FRMD4B: variants seen among roughly 807,000 people sequenced by gnomAD.
FRMD4B encodes the protein FERM domain containing 4B.
In FRMD4B, 74 loss-of-function variants were observed where a neutral mutation model predicts 141.5. The observed-to-expected ratio is 0.52, with a 90% CI of 0.43 to 0.63. The LOEUF is 0.63. FRMD4B is among the 30% of genes least tolerant of loss of function. The pLI is 0.00. For synonymous variants in FRMD4B, 506 were observed against 467.9 expected (o/e 1.08, Z -1.05); for missense variants, 1,366 against 1,253.4 (o/e 1.09, Z -1.36).
intron 5 of FRMD4B, among the ~76,000 whole-genome samples, chr3:69,278,592 G>GTAATTTA (rs2093629219): frequency 7.5e-6 from 1 of 133,854 alleles, no homozygotes; most frequent in Non-Finnish European, 1.6e-5. Flanking sequence ...TCACCCCAGT[G>GTAATTTA]GCCCCAAATT....
intron 1 of FRMD4B, among the ~76,000 whole-genome samples, chr3:69,467,104 C>A (rs1160022077): frequency 1.3e-5 from 2 of 152,168 alleles, no homozygotes; most frequent in East Asian, 3.9e-4. Context: ...TCTCTCTCCC[C>A]CAGAGGTCCC....
intron 1 of FRMD4B, among the ~76,000 whole-genome samples, chr3:69,313,905 C>T (rs1013487193): frequency 2.7e-5 from 4 of 148,096 alleles, no homozygotes; most frequent in African/African-American, 7.5e-5. Flanking sequence ...TTTGGGAGGC[C>T]GAGGCGGGCG....
chr3:69,222,738 T>G (rs1425787776), intron 8 of FRMD4B, among the ~76,000 whole-genome samples: 2 of 151,970 alleles, frequency 1.3e-5, no homozygotes, highest in African/African-American at 4.8e-5. Context: ...GCCATTGCAC[T>G]CCAGCCTGGG....
At chr3:69,370,028 C>G (rs1439522955) in intron 1 of FRMD4B, among the ~76,000 whole-genome samples, 2 of 151,962 alleles carry the variant, frequency 1.3e-5, no homozygotes, top group African/African-American at 4.8e-5. Context: ...AAAGCTTGAA[C>G]ACAGCCAAAG....
intron 1 of FRMD4B, among the ~76,000 whole-genome samples, chr3:69,467,153 T>C (rs9882739): frequency 6.6e-6 from 1 of 152,196 alleles, no homozygotes; most frequent in Non-Finnish European, 1.5e-5. Flanking sequence ...GGAAAAAGAA[T>C]GGGCTTTGGA....
At chr3:69,403,989 G>A (rs1704611672) in intron 2 of FRMD4B, among the ~76,000 whole-genome samples, 1 of 152,100 alleles carries the variant, frequency 6.6e-6, no homozygotes, top group South Asian at 2.1e-4. Context: ...TTGAATTCCT[G>A]GGCTCAAGCA....
chr3:69,495,805 C>T (rs1706374041), intron 1 of FRMD4B, among the ~76,000 whole-genome samples: 1 of 152,108 alleles, frequency 6.6e-6, no homozygotes, highest in Non-Finnish European at 1.5e-5. Context: ...AATGGACATA[C>T]AATATATTTT....
intron 1 of FRMD4B, among the ~76,000 whole-genome samples, chr3:69,511,851 C>T (rs1456087210): frequency 1.3e-5 from 2 of 152,200 alleles, no homozygotes; most frequent in Non-Finnish European, 2.9e-5. Flanking sequence ...TGTTTTCCCT[C>T]GTATGTCCCT....
chr3:69,401,489 T>C (rs1398317421), intron 2 of FRMD4B, among the ~76,000 whole-genome samples: 3 of 152,178 alleles, frequency 2.0e-5, no homozygotes, highest in African/African-American at 7.2e-5. Context: ...AGATGTGCAA[T>C]GTTTATTTTG....
chr3:69,362,697 C>G (rs1363509443), intron 1 of FRMD4B, among the ~76,000 whole-genome samples: 1 of 79,248 alleles, frequency 1.3e-5, no homozygotes, highest in African/African-American at 6.9e-5. Flanking sequence ...CAACAAAAAG[C>G]CAACCCCCCC....
intron 16 of FRMD4B, 43 bp from the exon 17 acceptor site, chr3:69,193,916 A>G (rs2107644028): frequency 8.3e-7 from 1 of 1,209,974 alleles, no homozygotes. Flanking sequence ...GGACACATAC[A>G]ATCAACTCTT....
chr3:69,344,455 A>C (rs1201015931), intron 1 of FRMD4B, among the ~76,000 whole-genome samples: 1 of 152,246 alleles, frequency 6.6e-6, no homozygotes, highest in Non-Finnish European at 1.5e-5. Context: ...AAGTAACTAC[A>C]AATAATTAAG....
chr3:69,251,484 A>T (rs2093463292), intron 5 of FRMD4B, among the ~76,000 whole-genome samples: 1 of 152,254 alleles, frequency 6.6e-6, no homozygotes, highest in Non-Finnish European at 1.5e-5. Flanking sequence ...TAAAACCCAT[A>T]AAATAAAATG....
chr3:69,490,818 C>A (rs533789055), intron 1 of FRMD4B, among the ~76,000 whole-genome samples: 1 of 152,126 alleles, frequency 6.6e-6, no homozygotes, highest in Non-Finnish European at 1.5e-5. Context: ...TTGGCCGATG[C>A]CTTTAGGGTG....
rs150310874 is a variant in FRMD4B at position 69,469,877 on chromosome 3, G to A, written c.-128-37116C>T. Among the ~76,000 whole-genome samples the A allele has an allele frequency of 1.1e-4, 17 of 152,258 alleles. No individual in the cohort carries two copies. The East Asian group carries it at 3.3e-3, about 29-fold the overall frequency. ...CACCAAAGCAAATCCCTTTCTCTAT[G>A]GTCCCCTCAGGGTCAAGTACCTTGT... On this transcript the variant is annotated intron_variant, in intron 1 of 5. Coordinates refer to the FRMD4B transcript ENST00000459638.
At chr3:69,260,549 GC>G (rs926916869) in intron 5 of FRMD4B, among the ~76,000 whole-genome samples, 1 of 152,186 alleles carries the variant, frequency 6.6e-6, no homozygotes, top group East Asian at 1.9e-4. Flanking sequence ...CCATGCCTGA[GC>G]CCCCCCTTGG....
At chr3:69,481,795 C>T (rs1276276132) in intron 1 of FRMD4B, among the ~76,000 whole-genome samples, 1 of 152,130 alleles carries the variant, frequency 6.6e-6, no homozygotes, top group Admixed American at 6.5e-5. Context: ...CTTCAGTTGA[C>T]CTTGTTGGAG....
At chr3:69,388,705 A>C (rs971400417), upstream of FRMD4B, among the ~76,000 whole-genome samples, 2 of 152,180 alleles carry the variant, frequency 1.3e-5, no homozygotes, top group Non-Finnish European at 2.9e-5. Context: ...AAATTAAGTA[A>C]AATATTCTGT....
chr3:69,172,305 G>A (rs927538435), intron 22 of FRMD4B, among the ~76,000 whole-genome samples: 1 of 152,134 alleles, frequency 6.6e-6, no homozygotes, highest in African/African-American at 2.4e-5. Flanking sequence ...CAAATAACTT[G>A]TCTAGTAAAA....
Sources: allele counts gnomAD v4.1 joint callset (sites outside exome capture counted in the v4.1 genomes callset), GRCh38; gene constraint gnomAD v4.1.1; transcripts MANE v1.5; gene names NCBI Gene and HGNC (gene_info 2026-07-23, HGNC 2026-07-21).